Variants in KCNT2 observed in about 807,000 individuals in gnomAD.
KCNT2 encodes potassium channel subfamily T member 2.
KCNT2 carries 67 observed loss-of-function variants against 153.8 expected under a neutral mutation model. The ratio of observed to expected loss-of-function variants is 0.44; its 90% confidence interval spans 0.36 to 0.53. KCNT2 has a LOEUF of 0.53. Among genes scored for constraint, KCNT2 ranks in the 20% least tolerant of loss-of-function variants. The probability of loss-of-function intolerance (pLI) is 0.00; values close to 1 mark genes in which losing one functional copy is unlikely to be tolerated. For missense variants in KCNT2, 975 were observed against 1,354.8 expected, an observed-to-expected ratio of 0.72 and a Z score of 4.40; for synonymous variants, 500 against 458.8, an observed-to-expected ratio of 1.09 and a Z score of -1.15.
chr1:196,510,417 C>T (rs577309571), intron 1 of KCNT2, among the ~76,000 whole-genome samples: 5 of 152,060 alleles, frequency 3.3e-5, no homozygotes, highest in Non-Finnish European at 7.4e-5. Context: ...CTGGAGCCCA[C>T]ACAATTTACC....
chr1:196,295,434 C>A (rs1481370612), intron 22 of KCNT2, among the ~76,000 whole-genome samples: 1 of 149,928 alleles, frequency 6.7e-6, no homozygotes, highest in Non-Finnish European at 1.5e-5. Context: ...CAAAAACAGG[C>A]AAAGTCAACA....
At chr1:196,497,240 C>T (rs1260199896) in intron 1 of KCNT2, among the ~76,000 whole-genome samples, 1 of 152,114 alleles carries the variant, frequency 6.6e-6, no homozygotes, top group Non-Finnish European at 1.5e-5. Flanking sequence ...TAAACATGTA[C>T]AGACTTGTTT....
At chr1:196,595,295 C>T (rs7514111) in intron 1 of KCNT2, among the ~76,000 whole-genome samples, 2,196 of 151,904 alleles carry the variant, frequency 0.014, 56 homozygotes, top group African/African-American at 0.05. Flanking sequence ...TATTAATTCA[C>T]TATAATTGAA....
chr1:196,299,754 C>T (rs111356299), intron 22 of KCNT2, among the ~76,000 whole-genome samples: 7,573 of 152,176 alleles, frequency 0.05, 286 homozygotes, highest in Non-Finnish European at 0.072. Context: ...GCTAGGTATA[C>T]ATCCAAAGGA....
chr1:196,301,464 T>C (rs1244037308), intron 22 of KCNT2, among the ~76,000 whole-genome samples: 2 of 152,208 alleles, frequency 1.3e-5, no homozygotes, highest in African/African-American at 4.8e-5. Flanking sequence ...CTACAGTAGA[T>C]ATTCTTCACT....
chr1:196,277,650 A>G (rs1378894242), intron 25 of KCNT2, among the ~76,000 whole-genome samples: 1 of 152,176 alleles, frequency 6.6e-6, no homozygotes, highest in Non-Finnish European at 1.5e-5. Context: ...TACTGAAAGA[A>G]GTTTCTAATT....
intron 13 of KCNT2, among the ~76,000 whole-genome samples, chr1:196,388,832 G>A (rs1670230467): frequency 6.6e-6 from 1 of 151,598 alleles, no homozygotes; most frequent in African/African-American, 2.4e-5. Context: ...TATTAATAAA[G>A]CTAGTTTTAC....
At chr1:196,490,617 T>G (rs1679788120) in intron 2 of KCNT2, among the ~76,000 whole-genome samples, 1 of 151,422 alleles carries the variant, frequency 6.6e-6, no homozygotes, top group African/African-American at 2.4e-5. Flanking sequence ...AATTCTATTT[T>G]TAACTATTTA....
At chr1:196,490,873 A>G (rs910510030) in intron 2 of KCNT2, among the ~76,000 whole-genome samples, 1 of 152,028 alleles carries the variant, frequency 6.6e-6, no homozygotes, top group African/African-American at 2.4e-5. Context: ...TTATTACTTA[A>G]TAAAATCTAG....
intron 25 of KCNT2, among the ~76,000 whole-genome samples, chr1:196,278,553 G>A (rs1658792683): frequency 6.6e-6 from 1 of 152,164 alleles, no homozygotes; most frequent in African/African-American, 2.4e-5. Context: ...TTGACTAAAT[G>A]TAGTTAAATA....
chr1:196,528,296 T>A (rs1654510843), intron 1 of KCNT2, among the ~76,000 whole-genome samples: 1 of 152,202 alleles, frequency 6.6e-6, no homozygotes, highest in African/African-American at 2.4e-5. Flanking sequence ...CAAATCTGGG[T>A]AGCCCCAACT....
At chr1:196,229,669 A>G (rs1275803767) in intron 27 of KCNT2, among the ~76,000 whole-genome samples, 1 of 152,118 alleles carries the variant, frequency 6.6e-6, no homozygotes, top group Non-Finnish European at 1.5e-5. Flanking sequence ...GTGAATGCAA[A>G]GGAAAAGTTC....
intron 13 of KCNT2, among the ~76,000 whole-genome samples, chr1:196,375,330 A>G (rs1251587641): frequency 6.6e-6 from 1 of 151,826 alleles, no homozygotes; most frequent in Non-Finnish European, 1.5e-5. Flanking sequence ...AACAATAAGT[A>G]TATGTACTAC....
rs1386531281 is a variant in KCNT2 at position 196,226,544 on chromosome 1, G to C, written c.*1680C>G. On this transcript the variant is annotated 3_prime_UTR_variant, in exon 28 of 28. Coordinates refer to ENST00000294725, the MANE Select transcript of KCNT2 (RefSeq NM_198503.5). ...ATTAAATACAGGGTCTCTGTTTTAGGGGTAATTCTTGGTGTTCTTGTTATT... is the reference window on the plus strand; with the variant it reads ...ATTAAATACAGGGTCTCTGTTTTAGCGGTAATTCTTGGTGTTCTTGTTATT... 4.6e-5 allele frequency: 7 copies of C among 151,786 alleles called. No individual in the cohort carries two copies. Among genetic ancestry groups the C allele is most frequent in the African/African-American group, 7.3e-5 (3 of 41,370 alleles). The allele number at this position is 151,786 out of a possible 1,614,324, so 9.4% of individuals were successfully genotyped here.
In KCNT2 at chr1:196,248,702, C is replaced by T. The variant is rs184063125; in HGVS notation, c.3211+9492G>A. On this transcript the variant is annotated intron_variant, in intron 26 of 27. Coordinates refer to ENST00000294725, the MANE Select transcript of KCNT2 (RefSeq NM_198503.5). ...CCTCAGACCCTTATGGCTACACTCC[C>T]GATTTTGACCAAACATTGAAAGAAG... 1.2e-3 allele frequency among the ~76,000 whole-genome samples: 180 copies of T among 152,218 alleles called. 1 individual carries two copies. Among genetic ancestry groups the T allele is most frequent in the African/African-American group, 4.2e-3 (174 of 41,550 alleles).
intron 1 of KCNT2, among the ~76,000 whole-genome samples, chr1:196,514,811 T>G (rs1339952): frequency 0.97 from 147,009 of 152,198 alleles, 71,201 homozygotes; most frequent in Middle Eastern, 1. Flanking sequence ...AACCATAACT[T>G]TATTAATTCT....
chr1:196,259,824 A>G (rs1656843247), intron 25 of KCNT2, among the ~76,000 whole-genome samples: 1 of 151,956 alleles, frequency 6.6e-6, no homozygotes, highest in African/African-American at 2.4e-5. Flanking sequence ...AGATTAAATG[A>G]TTTTAGAAAC....
At chr1:196,480,855 C>CAAAA (rs372270510) in intron 4 of KCNT2, among the ~76,000 whole-genome samples, 397 of 26,844 alleles carry the variant, frequency 0.015, 47 homozygotes, top group African/African-American at 0.024. Flanking sequence ...GACTTCGTCT[C>CAAAA]AAAAAAAAAA....
chr1:196,435,135 G>GTGTATATATATATATA (rs747899287), intron 8 of KCNT2, among the ~76,000 whole-genome samples: 7 of 76,870 alleles, frequency 9.1e-5, no homozygotes, highest in East Asian at 3.8e-4. Context: ...GTGTGTGTGT[G>GTGTATATATATATATA]TATGTATATA....
Sources: gnomAD v4.1 joint callset for allele counts (sites outside exome capture counted in the v4.1 genomes callset) on GRCh38, gnomAD v4.1.1 for gene constraint, MANE v1.5 for transcripts, NCBI Gene and HGNC (gene_info 2026-07-23, HGNC 2026-07-21) for gene names.